YWHAQ: variants seen among roughly 807,000 people sequenced by gnomAD.
YWHAQ encodes the protein tyrosine 3-monooxygenase/tryptophan 5-monooxygenase activation protein theta.
A neutral mutation model predicts 28.3 loss-of-function variants in YWHAQ; 6 were observed. That is an observed-to-expected ratio of 0.21 (90% CI 0.12 to 0.42). The LOEUF (loss-of-function observed/expected upper bound fraction) is 0.42, where lower values mean the gene tolerates loss of function less well. YWHAQ is among the 10% of genes least tolerant of loss of function. YWHAQ has a pLI of 1.00. For missense variants in YWHAQ, 201 were observed against 305.6 expected, an observed-to-expected ratio of 0.66 and a Z score of 2.55; for synonymous variants, 143 against 119.1, an observed-to-expected ratio of 1.20 and a Z score of -1.31.
intron 2 of YWHAQ, among the ~76,000 whole-genome samples, chr2:9,593,064 C>A (rs1328204057): frequency 1.3e-5 from 2 of 152,082 alleles, no homozygotes; most frequent in Non-Finnish European, 2.9e-5. Context: ...ATCCATGATA[C>A]CAAGTTGGCA....
intron 2 of YWHAQ, among the ~76,000 whole-genome samples, chr2:9,613,193 A>G (rs147316448): frequency 3.2e-4 from 49 of 152,332 alleles, no homozygotes; most frequent in African/African-American, 1.1e-3. Context: ...TGGAGCACTC[A>G]TTAATGTGAA....
chr2:9,630,141 C>A lies in YWHAQ; in HGVS notation c.294+18G>T. On this transcript the variant is annotated intron_variant, in intron 2 of 5. Coordinates refer to ENST00000238081, the MANE Select transcript of YWHAQ (RefSeq NM_006826.4). This position sits in a 1 kb window ranked among gnomAD's most constrained non-coding sequence, Gnocchi z 5.6. ...ATCTCACAAAAGGCCTCCCCTGCTC[C>A]CCGCGCCGAGGACTCACCAGCACCG... is the stretch of plus-strand genomic sequence containing the variant. 1 of 1,600,964 alleles carries A rather than the reference C, an allele frequency of 6.2e-7. No homozygotes were observed. The highest frequency in any genetic ancestry group is 8.5e-7 in the Non-Finnish European group (1 of 1,170,318).
At chr2:9,596,864 C>T (rs562805997) in intron 2 of YWHAQ, among the ~76,000 whole-genome samples, 3 of 152,236 alleles carry the variant, frequency 2.0e-5, no homozygotes, top group Non-Finnish European at 4.4e-5. Context: ...TGGCTGGTCT[C>T]GAACTCCTGA....
At chr2:9,625,500 A>G (rs1204331266) in intron 2 of YWHAQ, among the ~76,000 whole-genome samples, 2 of 152,144 alleles carry the variant, frequency 1.3e-5, no homozygotes, top group East Asian at 1.9e-4. Flanking sequence ...AATTCACACC[A>G]TGGTCTTAAG....
intron 2 of YWHAQ, among the ~76,000 whole-genome samples, chr2:9,614,297 GC>G (rs1020493888): frequency 7.9e-5 from 12 of 152,260 alleles, no homozygotes; most frequent in African/African-American, 2.9e-4. Context: ...CCAGGACAGT[GC>G]TACAAAAAGA....
intron 2 of YWHAQ, among the ~76,000 whole-genome samples, chr2:9,606,890 T>TG (rs201350970): frequency 1.3e-3 from 190 of 146,616 alleles, no homozygotes; most frequent in Non-Finnish European, 2.3e-3. Flanking sequence ...ATATTTTTCT[T>TG]TTTTTTTTTT....
chr2:9,588,568 C>T (rs892189741), intron 3 of YWHAQ, among the ~76,000 whole-genome samples: 1 of 152,000 alleles, frequency 6.6e-6, no homozygotes, highest in African/African-American at 2.4e-5. Flanking sequence ...ATCAGGAGTT[C>T]AAGACCAGTC....
At chr2:9,596,194 G>C (rs961123220) in intron 2 of YWHAQ, among the ~76,000 whole-genome samples, 1 of 151,950 alleles carries the variant, frequency 6.6e-6, no homozygotes, top group Non-Finnish European at 1.5e-5. Flanking sequence ...ATTTAGAACA[G>C]TAACTATTCC....
chr2:9,592,826 GTTTGT>G (rs1242538610), intron 2 of YWHAQ, among the ~76,000 whole-genome samples: 1 of 152,130 alleles, frequency 6.6e-6, no homozygotes, highest in Non-Finnish European at 1.5e-5. Context: ...TACTTCATTG[GTTTGT>G]TTTGAGAATA....
intron 2 of YWHAQ, among the ~76,000 whole-genome samples, chr2:9,609,312 A>G (rs1666898113): frequency 6.6e-6 from 1 of 152,194 alleles, no homozygotes; most frequent in Admixed American, 6.5e-5. Flanking sequence ...AAATGAAAAC[A>G]ACTTTAAAAT....
In YWHAQ at chr2:9,591,452, T is replaced by A; in HGVS notation, c.358A>T (p.Lys120Ter). The change falls in exon 3 of 6, where the codon AAA becomes TAA. Residue 120 changes from lysine (K) to a stop codon, truncating the protein, a stop_gained. Transcript: ENST00000238081. LOFTEE classifies it high-confidence loss of function. ...TACCGGAAGTAATCACCCTTCATTT[T>A]CAGATAGAAGACCTTACTCTCTGGA... The part of the protein sequence containing the change: ...TNPESKVFYL[K>*]MKGDYFRYLA... The A allele has an allele frequency of 6.2e-7, 1 of 1,613,396 alleles. No individual in the cohort carries two copies. The highest frequency in any genetic ancestry group is 8.5e-7 in the Non-Finnish European group (1 of 1,179,446).
intron 2 of YWHAQ, among the ~76,000 whole-genome samples, chr2:9,624,599 A>G (rs1272876120): frequency 6.6e-6 from 1 of 152,088 alleles, no homozygotes; most frequent in Non-Finnish European, 1.5e-5. Context: ...CTCTCTACCC[A>G]CTAGACGTGA....
chr2:9,604,807 T>C (rs1015653332), intron 2 of YWHAQ, among the ~76,000 whole-genome samples: 1 of 152,208 alleles, frequency 6.6e-6, no homozygotes, highest in Non-Finnish European at 1.5e-5. Flanking sequence ...TCTCCAGTTT[T>C]AAGAATCTAC....
chr2:9,611,819 C>T (rs557432558), intron 2 of YWHAQ, among the ~76,000 whole-genome samples: 7 of 151,974 alleles, frequency 4.6e-5, no homozygotes, highest in Non-Finnish European at 1.0e-4. Flanking sequence ...TACAGGTGTG[C>T]ACCACCACGC....
At chr2:9,609,428 C>T (rs77526422) in intron 2 of YWHAQ, among the ~76,000 whole-genome samples, 174 of 151,748 alleles carry the variant, frequency 1.1e-3, no homozygotes, top group African/African-American at 3.7e-3. Context: ...TTATAAGATG[C>T]GAATAGAAAG....
rs1667349768 is a variant in YWHAQ at position 9,630,540 on chromosome 2, G to A, written c.-82-6C>T. On this transcript the variant is annotated splice_polypyrimidine_tract_variant and splice_region_variant and intron_variant, in intron 1 of 5. Transcript: ENST00000238081. The surrounding 1 kb of genome is among the most constrained non-coding windows in gnomAD (Gnocchi z 5.6). ...AGCGGGAGGAGCCTCGAGAGCTGCGGAGGGGCGGGGCGGCGAGGCGAGAAC... is the reference window on the plus strand; with the variant it reads ...AGCGGGAGGAGCCTCGAGAGCTGCGAAGGGGCGGGGCGGCGAGGCGAGAAC... The A allele has an allele frequency of 7.6e-7, 1 of 1,315,742 alleles. No homozygotes were observed. The highest frequency in any genetic ancestry group is 1.0e-6 in the Non-Finnish European group (1 of 989,510). 81.5% of individuals were successfully genotyped at this position (1,315,742 alleles called of 1,614,324 possible).
At chr2:9,618,362 A>C (rs186086388) in intron 2 of YWHAQ, among the ~76,000 whole-genome samples, 38 of 152,342 alleles carry the variant, frequency 2.5e-4, no homozygotes, top group African/African-American at 8.7e-4. Flanking sequence ...AACTAAGCCA[A>C]ATTATTTTGT....
intron 2 of YWHAQ, among the ~76,000 whole-genome samples, chr2:9,603,962 A>C (rs1381881983): frequency 6.6e-6 from 1 of 152,126 alleles, no homozygotes; most frequent in Non-Finnish European, 1.5e-5. Context: ...CTTTGTCTTT[A>C]AATGTAAAGC....
Position 9,585,326 on chromosome 2 carries a change from G to A in YWHAQ, c.698C>T (p.Ala233Val). Residue 233 changes from alanine (A) to valine (V), a missense_variant, in exon 6 of 6, where the codon GCA becomes GTA. Physicochemically the swap from Ala to Val is moderately conservative, Grantham distance 64. Coordinates refer to ENST00000238081, the MANE Select transcript of YWHAQ (RefSeq NM_006826.4). The stretch of plus-strand genomic sequence containing the variant: ...TTCTGCCGCATCACATTCTTCTCCT[G>A]CACTGTCTGATGTCCAAAGCTAGAA... ...DNLTLWTSDS[A>V]GEECDAAEGA... The A allele has an allele frequency of 6.2e-7, 1 of 1,614,066 alleles. No homozygotes were observed. The highest frequency in any genetic ancestry group is 8.5e-7 in the Non-Finnish European group (1 of 1,179,962).
Sources: gnomAD v4.1 joint callset for allele counts (sites outside exome capture counted in the v4.1 genomes callset) on GRCh38, gnomAD v4.1.1 for gene constraint, Gnocchi (gnomAD v3.1) non-coding constraint, MANE v1.5 for transcripts, NCBI Gene and HGNC (gene_info 2026-07-23, HGNC 2026-07-21) for gene names.